Variants in ANKFN1 observed in about 807,000 individuals in gnomAD.
The protein encoded by ANKFN1 is ankyrin repeat and fibronectin type III domain containing 1, also known as ankyrin repeat and fibronectin type-III domain-containing protein 1.
ANKFN1 carries 74 observed loss-of-function variants against 108.7 expected under a neutral mutation model. That is an observed-to-expected ratio of 0.68 (90% CI 0.56 to 0.83). The LOEUF is 0.83. Ranked by LOEUF, ANKFN1 falls within the 40% of genes least tolerant of loss-of-function variation. The probability of loss-of-function intolerance (pLI) is 0.00; values close to 1 mark genes in which losing one functional copy is unlikely to be tolerated. For synonymous variants in ANKFN1, 547 were observed against 516.2 expected (o/e 1.06, Z -0.81); for missense variants, 1,505 against 1,382.3 (o/e 1.09, Z -1.41).
intron 3 of ANKFN1, 82 bp from the exon 4 acceptor site, chr17:56,326,139 T>C: frequency 6.7e-7 from 1 of 1,488,158 alleles, no homozygotes; most frequent in Non-Finnish European, 9.0e-7. Context: ...TCCTCTTTTA[T>C]TTTGCATTAA....
chr17:56,436,721 T>C (rs971375195), intron 8 of ANKFN1, among the ~76,000 whole-genome samples: 5 of 151,840 alleles, frequency 3.3e-5, no homozygotes, highest in Admixed American at 3.3e-4. Context: ...TCCGAGCTAC[T>C]TGGGAGGCTG....
intron 4 of ANKFN1, among the ~76,000 whole-genome samples, chr17:56,081,511 C>T (rs1905245923): frequency 6.6e-6 from 1 of 152,038 alleles, no homozygotes; most frequent in Admixed American, 6.6e-5. Flanking sequence ...CGCCACCACG[C>T]CCAGGTAATT....
chr17:56,371,173 A>G (rs1006854670), intron 6 of ANKFN1, among the ~76,000 whole-genome samples: 1 of 152,170 alleles, frequency 6.6e-6, no homozygotes, highest in South Asian at 2.1e-4. Context: ...TATTTAGAGT[A>G]CATGATTGAC....
intron 3 of ANKFN1, among the ~76,000 whole-genome samples, chr17:56,242,973 A>AT (rs1917700231): frequency 6.6e-6 from 1 of 151,950 alleles, no homozygotes; most frequent in African/African-American, 2.4e-5. Context: ...ATATTCATAG[A>AT]TTTTCTGACG....
At chr17:56,382,115 G>A (rs1393942905) in intron 8 of ANKFN1, among the ~76,000 whole-genome samples, 1 of 152,200 alleles carries the variant, frequency 6.6e-6, no homozygotes, top group Admixed American at 6.6e-5. Flanking sequence ...AAGCCCATCA[G>A]ACTAACAGCG....
At chr17:56,147,352 T>A (rs1908327748) in intron 4 of ANKFN1, among the ~76,000 whole-genome samples, 1 of 152,202 alleles carries the variant, frequency 6.6e-6, no homozygotes, top group Non-Finnish European at 1.5e-5. Context: ...TTTATTGTAG[T>A]AGTCCATTCT....
chr17:56,339,163 A>G (rs1178085922), intron 4 of ANKFN1, among the ~76,000 whole-genome samples: 1 of 129,082 alleles, frequency 7.7e-6, no homozygotes, highest in East Asian at 2.5e-4. Context: ...TGTAAATTAA[A>G]TTGTTTTCTT....
At chr17:56,405,535 G>A in intron 8 of ANKFN1, among the ~76,000 whole-genome samples, 1 of 151,860 alleles carries the variant, frequency 6.6e-6, no homozygotes, top group East Asian at 1.9e-4. Flanking sequence ...CTAAGTAGGG[G>A]GATTTATCCT....
chr17:56,453,750 ATTT>A (rs2049578097), intron 11 of ANKFN1, among the ~76,000 whole-genome samples: 1 of 151,760 alleles, frequency 6.6e-6, no homozygotes, highest in Non-Finnish European at 1.5e-5. Flanking sequence ...TCTACTTAAC[ATTT>A]ATTCAAGGTT....
intron 4 of ANKFN1, among the ~76,000 whole-genome samples, chr17:56,121,755 C>T (rs538927826): frequency 3.9e-5 from 6 of 152,124 alleles, no homozygotes; most frequent in Admixed American, 3.9e-4. Context: ...GGATCATTAA[C>T]ATTGGTTATA....
At chr17:56,506,499 T>C (rs2051572585) in intron 20 of ANKFN1, among the ~76,000 whole-genome samples, 2 of 151,910 alleles carry the variant, frequency 1.3e-5, no homozygotes, top group Non-Finnish European at 2.9e-5. Context: ...GAGAAAGTAT[T>C]CTCCCCCTAG....
intron 11 of ANKFN1, among the ~76,000 whole-genome samples, chr17:56,453,601 T>G (rs1277112710): frequency 2.6e-5 from 4 of 152,156 alleles, no homozygotes; most frequent in Non-Finnish European, 5.9e-5. Context: ...ACTACCATAT[T>G]GAGGACTCTT....
At chr17:56,065,395 G>A (rs190107295) in intron 4 of ANKFN1, among the ~76,000 whole-genome samples, 1 of 152,318 alleles carries the variant, frequency 6.6e-6, no homozygotes, top group Admixed American at 6.5e-5. Flanking sequence ...GCTCATAGGA[G>A]TAACACTTTT....
rs1433346645 is a variant in ANKFN1, at chr17:56,462,745, T to C, written c.1558-3611T>C. ...TCTCCTTTCCAGTTTTGTATACTAC[T>C]GCCTGATTACTCCAATTTGGTCAAA... On this transcript the variant is annotated intron_variant, in intron 14 of 20. Coordinates refer to ENST00000682825, the MANE Select transcript of ANKFN1 (RefSeq NM_001370326.1). 1.2e-4 allele frequency among the ~76,000 whole-genome samples: 18 copies of C among 152,240 alleles called. No individual in the cohort carries two copies. In the East Asian group the frequency reaches 2.7e-3, roughly 23 times the overall value.
chr17:56,354,810 C>A (rs1467533365), intron 6 of ANKFN1, among the ~76,000 whole-genome samples: 1 of 152,148 alleles, frequency 6.6e-6, no homozygotes, highest in African/African-American at 2.4e-5. Flanking sequence ...GCTTATACAA[C>A]ATTTTCTTTA....
chr17:56,300,580 A>G (rs566922680), intron 3 of ANKFN1, among the ~76,000 whole-genome samples: 19 of 149,366 alleles, frequency 1.3e-4, no homozygotes, highest in Admixed American at 1.1e-3. Flanking sequence ...TCCCTTAGAC[A>G]CAGGAAATTG....
At chr17:56,066,768 A>C (rs111707609) in intron 4 of ANKFN1, among the ~76,000 whole-genome samples, 8 of 152,216 alleles carry the variant, frequency 5.3e-5, no homozygotes, top group Admixed American at 2.6e-4. Context: ...CCACCATTCT[A>C]CTTTCTTGCT....
intron 1 of ANKFN1, among the ~76,000 whole-genome samples, chr17:56,200,568 A>G (rs1429426783): frequency 1.4e-4 from 22 of 152,244 alleles, no homozygotes; most frequent in Admixed American, 1.4e-3. Flanking sequence ...AGCACGTCCA[A>G]GGTCCCCCAG....
intron 6 of ANKFN1, among the ~76,000 whole-genome samples, chr17:56,360,814 G>A (rs2046496805): frequency 6.6e-6 from 1 of 151,990 alleles, no homozygotes; most frequent in Non-Finnish European, 1.5e-5. Flanking sequence ...ATATTTAATT[G>A]ACAAGACTGT....
Sources: gnomAD v4.1 joint callset for allele counts (sites outside exome capture counted in the v4.1 genomes callset) on GRCh38, gnomAD v4.1.1 for gene constraint, MANE v1.5 for transcripts, NCBI Gene and HGNC (gene_info 2026-07-23, HGNC 2026-07-21) for gene names.